Variants in SGCE observed in about 807,000 individuals in gnomAD.
SGCE encodes epsilon-sarcoglycan.
Under a neutral mutation model 57.8 loss-of-function variants are expected in SGCE, and 26 were observed. That is an observed-to-expected ratio of 0.45 (90% CI 0.33 to 0.62). The LOEUF (loss-of-function observed/expected upper bound fraction) is 0.62. SGCE is among the 20% of genes least tolerant of loss of function. SGCE has a pLI of 0.02. For synonymous variants in SGCE, 183 were observed against 189.5 expected (o/e 0.97, Z 0.28); for missense variants, 468 against 548.6 (o/e 0.85, Z 1.47).
In SGCE at chr7:94,618,845, T is replaced by A. The variant is rs1322960599; in HGVS notation, c.575A>T (p.Gln192Leu). 1.9e-6 allele frequency: 3 copies of A among 1,614,088 alleles called. No individual in the cohort carries two copies. The highest frequency in any genetic ancestry group is 2.5e-6 in the Non-Finnish European group (3 of 1,179,986). The change falls in exon 5 of 11, where the codon CAG (glutamine) becomes CTG (leucine). Residue 192 changes from glutamine to leucine, a missense_variant. Physicochemically the swap from Gln to Leu is moderately radical, Grantham distance 113. Transcript: ENST00000648936. Reference sequence around the variant, plus strand: ...GTTTATGGCGTTCAGGCGCTCTGGCTGCCACACATTTTTCACTGCGCCAAG... The same window carrying A: ...GTTTATGGCGTTCAGGCGCTCTGGCAGCCACACATTTTTCACTGCGCCAAG... ...DFLGAVKNVW[Q>L]PERLNAINIT...
intron 1 of SGCE, among the ~76,000 whole-genome samples, chr7:94,634,743 A>G (rs1043709976): frequency 6.6e-6 from 1 of 152,200 alleles, no homozygotes; most frequent in Admixed American, 6.5e-5. Flanking sequence ...CCTAGTTCTT[A>G]GTTGACGCAG....
At position 94,644,635 on chromosome 7, in the gene SGCE, G is replaced by A. The variant is rs576315606; in HGVS notation, c.109+11355C>T. On this transcript the variant is annotated intron_variant, in intron 1 of 10. Transcript: ENST00000648936. Reference sequence around the variant, plus strand: ...AAAGCAAACTGTCAAGTCTTTCTCTGTCCACTACTTCATTTGTCTCTTTCA... The same window carrying A: ...AAAGCAAACTGTCAAGTCTTTCTCTATCCACTACTTCATTTGTCTCTTTCA... 3.1e-6 allele frequency: 4 copies of A among 1,286,354 alleles called. No individual in the cohort carries two copies. In the East Asian group the frequency reaches 1.7e-4, roughly 54 times the overall value. The allele number at this position is 1,286,354 out of a possible 1,614,324, so 79.7% of individuals were successfully genotyped here. A position where few individuals can be genotyped will look rare whatever the true frequency, so the allele number is the denominator to read the frequency against.
intron 1 of SGCE, among the ~76,000 whole-genome samples, chr7:94,652,337 T>C (rs1386110217): frequency 6.6e-6 from 1 of 152,152 alleles, no homozygotes; most frequent in Non-Finnish European, 1.5e-5. Flanking sequence ...GGGTAGATTA[T>C]GGATAATTAG....
chr7:94,640,476 C>A (rs1806229429), intron 1 of SGCE, among the ~76,000 whole-genome samples: 1 of 152,052 alleles, frequency 6.6e-6, no homozygotes, highest in African/African-American at 2.4e-5. Flanking sequence ...TGATTTTTCA[C>A]CCTTACATTT....
rs775056533 is a variant in SGCE, at chr7:94,587,760, C to A, written c.1297+929G>T. The A allele has an allele frequency of 8.5e-6, 13 of 1,535,806 alleles. No homozygotes were observed. In the South Asian group the frequency reaches 1.1e-4, roughly 13 times the overall value. On this transcript the variant is annotated intron_variant, in intron 10 of 10. Transcript: ENST00000648936. The stretch of plus-strand genomic sequence containing the variant: ...CATCTTGTAATTGAAATCTGATGAA[C>A]AATTTCATTATACTTGCCTCAAATC...
chr7:94,624,525 T>A (rs1321868077), intron 3 of SGCE: 1 of 280,888 alleles, frequency 3.6e-6, no homozygotes, highest in Admixed American at 5.1e-5. Flanking sequence ...ATTTAATTAT[T>A]TCCTTGCTGT....
At chr7:94,619,045 C>G in intron 4 of SGCE, 89 bp from the exon 5 acceptor site, 1 of 914,838 alleles carries the variant, frequency 1.1e-6, no homozygotes. Context: ...TTGTTGAGTT[C>G]TGTCATAATC....
At chr7:94,629,926 A>AG in intron 1 of SGCE, 85 bp from the exon 2 acceptor site, 1 of 1,506,300 alleles carries the variant, frequency 6.6e-7, no homozygotes, top group Admixed American at 1.7e-5. Context: ...GTTTATAAAG[A>AG]GGGGTCTCAC....
chr7:94,600,451 A>G, intron 7 of SGCE, 195 bp downstream of exon 7: 1 of 558,900 alleles, frequency 1.8e-6, no homozygotes, highest in Non-Finnish European at 3.2e-6. Flanking sequence ...AAGTAATTAT[A>G]TCCCCTAATT....
chr7:94,606,349 A>T (rs1800140011), intron 5 of SGCE, among the ~76,000 whole-genome samples: 1 of 152,220 alleles, frequency 6.6e-6, no homozygotes, highest in South Asian at 2.1e-4. Flanking sequence ...GACAGAGCCA[A>T]CCTCACAGCA....
intron 3 of SGCE, chr7:94,626,331 T>C (rs1347637371): frequency 6.6e-6 from 1 of 152,096 alleles, no homozygotes; most frequent in Non-Finnish European, 1.5e-5. Context: ...AGGTCTTACT[T>C]AACAAATCCT....
chr7:94,646,811 T>C (rs966205419), intron 1 of SGCE, among the ~76,000 whole-genome samples: 2 of 152,252 alleles, frequency 1.3e-5, no homozygotes, highest in Non-Finnish European at 2.9e-5. Context: ...TCTTATATTG[T>C]ATGTTTGCTT....
intron 6 of SGCE, among the ~76,000 whole-genome samples, chr7:94,601,848 G>A (rs1273738343): frequency 6.6e-6 from 1 of 152,012 alleles, no homozygotes; most frequent in Non-Finnish European, 1.5e-5. Flanking sequence ...TTTGGGGGGT[G>A]AAATTTAGGT....
intron 1 of SGCE, among the ~76,000 whole-genome samples, chr7:94,640,426 G>A (rs1026167894): frequency 6.6e-6 from 1 of 152,108 alleles, no homozygotes; most frequent in Non-Finnish European, 1.5e-5. Flanking sequence ...TATTGATCCT[G>A]TTTTTCACCA....
chr7:94,622,096 A>T (rs1389372116), intron 4 of SGCE: 2 of 152,196 alleles, frequency 1.3e-5, no homozygotes, highest in Non-Finnish European at 2.9e-5. Context: ...GTGTAAAAGT[A>T]ATTTTTAACC....
intron 1 of SGCE, chr7:94,639,212 T>C: frequency 1.7e-6 from 1 of 575,420 alleles, no homozygotes; most frequent in South Asian, 2.6e-5. Context: ...GAAAACAAAA[T>C]TTTAGTTTTT....
At chr7:94,629,677 T>A in intron 2 of SGCE, 42 bp downstream of exon 2, 4 of 1,604,538 alleles carry the variant, frequency 2.5e-6, no homozygotes, top group South Asian at 2.2e-5. Flanking sequence ...AAACAAAAAA[T>A]TTAGTACGTT....
intron 1 of SGCE, among the ~76,000 whole-genome samples, chr7:94,634,882 C>T (rs1222987357): frequency 6.6e-6 from 1 of 152,030 alleles, no homozygotes; most frequent in Non-Finnish European, 1.5e-5. Flanking sequence ...TTAATTCAAC[C>T]CATATATTAC....
intron 1 of SGCE, among the ~76,000 whole-genome samples, chr7:94,654,789 A>T (rs886150616): frequency 4.6e-5 from 7 of 152,238 alleles, no homozygotes; most frequent in Non-Finnish European, 7.3e-5. Flanking sequence ...AATGTTACTA[A>T]AATGTGCTCA....
Sources: gnomAD v4.1 joint callset for allele counts (sites outside exome capture counted in the v4.1 genomes callset) on GRCh38, gnomAD v4.1.1 for gene constraint, MANE v1.5 for transcripts, NCBI Gene and HGNC (gene_info 2026-07-23, HGNC 2026-07-21) for gene names.